NTNG1: variants seen among roughly 807,000 people sequenced by gnomAD.
NTNG1 encodes the protein netrin G1.
In NTNG1, 16 loss-of-function variants were observed where a neutral mutation model predicts 54.0. The observed-to-expected ratio is 0.30, with a 90% CI of 0.20 to 0.45. The LOEUF is 0.45. Ranked by LOEUF, NTNG1 falls within the 20% of genes least tolerant of loss-of-function variation. The probability of loss-of-function intolerance (pLI) is 1.00; values close to 1 mark genes in which losing one functional copy is unlikely to be tolerated. For missense variants in NTNG1, 530 were observed against 678.7 expected, an observed-to-expected ratio of 0.78 and a Z score of 2.43; for synonymous variants, 255 against 263.1, an observed-to-expected ratio of 0.97 and a Z score of 0.30.
At chr1:107,272,271 G>C (rs902882660) in intron 2 of NTNG1, among the ~76,000 whole-genome samples, 1 of 151,906 alleles carries the variant, frequency 6.6e-6, no homozygotes, top group African/African-American at 2.4e-5. Context: ...TCTCTTTCTC[G>C]AATAATGTTT....
chr1:107,263,019 G>T (rs1420703105), intron 2 of NTNG1, among the ~76,000 whole-genome samples: 1 of 152,050 alleles, frequency 6.6e-6, no homozygotes, highest in African/African-American at 2.4e-5. Context: ...TGCAAAGTTG[G>T]TCACTTACTC....
intron 1 of NTNG1, among the ~76,000 whole-genome samples, chr1:107,145,693 ATTTAAGC>A (rs1654052902): frequency 6.6e-6 from 1 of 152,092 alleles, no homozygotes; most frequent in Non-Finnish European, 1.5e-5. Flanking sequence ...TGTGCCAGAA[ATTTAAGC>A]TATAATTGGC....
chr1:107,364,121 G>T (rs1047236524), intron 3 of NTNG1, among the ~76,000 whole-genome samples: 2 of 152,028 alleles, frequency 1.3e-5, no homozygotes, highest in Admixed American at 1.3e-4. Flanking sequence ...AATAATTTAA[G>T]TCACTTTACC....
chr1:107,408,017 C>T (rs1673560542), intron 5 of NTNG1: 1 of 534,154 alleles, frequency 1.9e-6, no homozygotes, highest in East Asian at 4.2e-5. Context: ...TATAAGTAGT[C>T]CTATTTATCC....
At chr1:107,388,688 A>G (rs1277027815) in intron 3 of NTNG1, among the ~76,000 whole-genome samples, 1 of 152,206 alleles carries the variant, frequency 6.6e-6, no homozygotes, top group Non-Finnish European at 1.5e-5. Context: ...AGTAAGTGGC[A>G]AAGGAGGGAT....
At chr1:107,341,611 A>T (rs1037609584) in intron 3 of NTNG1, among the ~76,000 whole-genome samples, 22 of 152,048 alleles carry the variant, frequency 1.4e-4, no homozygotes, top group African/African-American at 5.3e-4. Context: ...TGAGAATGAA[A>T]ATCATGCTTA....
intron 2 of NTNG1, among the ~76,000 whole-genome samples, chr1:107,285,994 G>A (rs1221752977): frequency 6.6e-6 from 1 of 152,214 alleles, no homozygotes; most frequent in Admixed American, 6.6e-5. Context: ...CTAAAAGAAG[G>A]AAACACATCA....
At chr1:107,214,957 AGCCCACTTTTTGATGGGATT>A (rs1659855253) in intron 2 of NTNG1, among the ~76,000 whole-genome samples, 1 of 151,640 alleles carries the variant, frequency 6.6e-6, no homozygotes, top group Non-Finnish European at 1.5e-5. Context: ...TTTTGTCCTT[AGCCCACTTTTTGATGGGATT>A]GTTTGTTTTT....
intron 1 of NTNG1, among the ~76,000 whole-genome samples, chr1:107,147,400 A>G (rs560143458): frequency 2.0e-5 from 3 of 152,296 alleles, no homozygotes; most frequent in African/African-American, 7.2e-5. Flanking sequence ...ATGGCTATAA[A>G]AAGATGTAAA....
At chr1:107,235,200 T>C (rs975483387) in intron 2 of NTNG1, among the ~76,000 whole-genome samples, 8 of 152,172 alleles carry the variant, frequency 5.3e-5, no homozygotes, top group Admixed American at 2.6e-4. Flanking sequence ...ATTTCAGTTC[T>C]GACACGGAAA....
At chr1:107,156,686 T>C (rs1655024177) in intron 2 of NTNG1, among the ~76,000 whole-genome samples, 1 of 152,308 alleles carries the variant, frequency 6.6e-6, no homozygotes, top group Non-Finnish European at 1.5e-5. Flanking sequence ...TTGTATTTAA[T>C]TGAGGCTAAA....
At chr1:107,474,870 A>C (rs369764803) in intron 7 of NTNG1, among the ~76,000 whole-genome samples, 2 of 152,236 alleles carry the variant, frequency 1.3e-5, no homozygotes, top group South Asian at 4.1e-4. Context: ...TAATACTGTT[A>C]CAGTGGCAAA....
At chr1:107,153,621 A>C (rs1464856879) in intron 2 of NTNG1, among the ~76,000 whole-genome samples, 1 of 152,232 alleles carries the variant, frequency 6.6e-6, no homozygotes, top group Non-Finnish European at 1.5e-5. Context: ...GTTCCAAGGA[A>C]GTCTTTCTCA....
rs1445988399 is a variant in NTNG1 at position 107,354,267 on chromosome 1, A to G, written c.887+29345A>G. Among the ~76,000 whole-genome samples the G allele has an allele frequency of 2.8e-4, 42 of 151,914 alleles. 1 individual carries two copies. The East Asian group carries it at 6.8e-3, about 25-fold the overall frequency. ...GGGCAGATCATGAGGTCAAGAGTTCAAGACCAGCCTGGCCAATATGGTGAC... is the reference window on the plus strand; with the variant it reads ...GGGCAGATCATGAGGTCAAGAGTTCGAGACCAGCCTGGCCAATATGGTGAC... On this transcript the variant is annotated intron_variant, in intron 3 of 7. Coordinates refer to ENST00000370068, the MANE Select transcript of NTNG1 (RefSeq NM_001113226.3).
chr1:107,198,123 C>G (rs1264184123), intron 2 of NTNG1, among the ~76,000 whole-genome samples: 1 of 151,956 alleles, frequency 6.6e-6, no homozygotes. Context: ...AATAATGTGA[C>G]ACCAACGGGA....
intron 2 of NTNG1, among the ~76,000 whole-genome samples, chr1:107,291,030 T>C (rs1344169336): frequency 1.3e-5 from 2 of 148,692 alleles, no homozygotes; most frequent in Non-Finnish European, 3.0e-5. Context: ...TAGATAAATA[T>C]AGTTGACTCT....
At chr1:107,391,359 A>T (rs1269276530) in intron 3 of NTNG1, among the ~76,000 whole-genome samples, 3 of 152,150 alleles carry the variant, frequency 2.0e-5, no homozygotes, top group Admixed American at 1.3e-4. Context: ...TTGGGTAGAG[A>T]GGGGCATGCC....
At chr1:107,340,308 C>T (rs745782545) in intron 3 of NTNG1, among the ~76,000 whole-genome samples, 6 of 152,014 alleles carry the variant, frequency 3.9e-5, no homozygotes, top group African/African-American at 1.2e-4. Flanking sequence ...TGGTTTCAGA[C>T]ACACAGAAAT....
chr1:107,146,603 T>C (rs1310452199), intron 1 of NTNG1, among the ~76,000 whole-genome samples: 1 of 152,082 alleles, frequency 6.6e-6, no homozygotes, highest in Non-Finnish European at 1.5e-5. Flanking sequence ...TTCAAATCTG[T>C]AGTTTATACA....
Sources: gnomAD v4.1 joint callset for allele counts (sites outside exome capture counted in the v4.1 genomes callset) on GRCh38, gnomAD v4.1.1 for gene constraint, MANE v1.5 for transcripts, NCBI Gene and HGNC (gene_info 2026-07-23, HGNC 2026-07-21) for gene names.